Variants in FIG4 observed in about 807,000 individuals in gnomAD.
FIG4 encodes the protein FIG4 phosphoinositide 5-phosphatase.
A neutral mutation model predicts 118.6 loss-of-function variants in FIG4; 112 were observed. The ratio of observed to expected loss-of-function variants is 0.94; its 90% CI spans 0.81 to 1.11. The LOEUF (loss-of-function observed/expected upper bound fraction) is 1.11. Ranked by LOEUF, FIG4 falls within the 50% of genes least tolerant of loss-of-function variation. FIG4 has a pLI of 0.00. For synonymous variants in FIG4, 369 were observed against 381.2 expected, an observed-to-expected ratio of 0.97 and a Z score of 0.37; for missense variants, 969 against 1,111.7, an observed-to-expected ratio of 0.87 and a Z score of 1.83.
intron 13 of FIG4, among the ~76,000 whole-genome samples, chr6:109,764,720 G>T (rs1299412721): frequency 1.3e-5 from 2 of 152,142 alleles, no homozygotes; most frequent in South Asian, 2.1e-4. Context: ...CAAATTGTCA[G>T]CTATTTGTTT....
chr6:109,726,074 CT>C (rs1775800734), intron 3 of FIG4, among the ~76,000 whole-genome samples: 1 of 152,048 alleles, frequency 6.6e-6, no homozygotes, highest in Admixed American at 6.6e-5. Flanking sequence ...ATGATAGTTT[CT>C]TTTACTGTGC....
At chr6:109,722,989 A>G (rs2128382987) in intron 3 of FIG4, among the ~76,000 whole-genome samples, 1 of 54,234 alleles carries the variant, frequency 1.8e-5, no homozygotes, top group African/African-American at 1.1e-4. Flanking sequence ...CAGAGTAGAT[A>G]TCCTGTCAAC....
At chr6:109,769,107 C>CT (rs11419632) in intron 15 of FIG4, among the ~76,000 whole-genome samples, 49,447 of 141,826 alleles carry the variant, frequency 0.35, 9,069 homozygotes, top group South Asian at 0.52. Context: ...AAGTAATGTG[C>CT]TTTTTTTTTT....
intron 1 of FIG4, among the ~76,000 whole-genome samples, chr6:109,699,002 T>A (rs1774819911): frequency 6.6e-6 from 1 of 152,222 alleles, no homozygotes. Flanking sequence ...TAAAATGAGT[T>A]AAAAAGTGTT....
rs1777293947 is a variant in FIG4, at chr6:109,766,810, A to G, written c.1665A>G (p.Lys555=). Residue 555 remains lysine (K), a synonymous_variant, in exon 15 of 23, where the codon AAA becomes AAG. Transcript: ENST00000230124. ...GTTCTCAACTTGTTCATCGTGTGAA[A>G]ACCTACAGAAAGATAGCACCATGGA... ...YGGSQLVHRV[K]TYRKIAPWTQ... 1 of 1,613,874 alleles carries G rather than the reference A, an allele frequency of 6.2e-7. No homozygotes were observed. Among genetic ancestry groups the G allele is most frequent in the East Asian group, 2.2e-5 (1 of 44,882 alleles).
intron 1 of FIG4, among the ~76,000 whole-genome samples, chr6:109,696,993 C>T (rs1226069509): frequency 6.6e-6 from 1 of 151,440 alleles, no homozygotes; most frequent in Non-Finnish European, 1.5e-5. Flanking sequence ...TAAAATATCA[C>T]TCTATGTTTC....
intron 21 of FIG4, among the ~76,000 whole-genome samples, chr6:109,794,883 C>T (rs998343841): frequency 3.9e-5 from 6 of 152,140 alleles, no homozygotes; most frequent in Admixed American, 1.3e-4. Flanking sequence ...GCCTGTCTTC[C>T]AGCTTCCCAT....
intron 22 of FIG4, among the ~76,000 whole-genome samples, chr6:109,797,573 G>A (rs4307211): frequency 0.61 from 92,716 of 151,948 alleles, 30,721 homozygotes; most frequent in African/African-American, 0.86. Context: ...CCCTGATGCC[G>A]TATGCTCAGT....
At chr6:109,726,960 A>G (rs1775838185) in intron 3 of FIG4, 149 bp from the exon 4 acceptor site, 2 of 676,532 alleles carry the variant, frequency 3.0e-6, no homozygotes, top group East Asian at 5.4e-5. Context: ...TTAGAGAATA[A>G]TCCTAAGACA....
At chr6:109,760,021 A>G (rs982495037) in intron 10 of FIG4, among the ~76,000 whole-genome samples, 1 of 152,200 alleles carries the variant, frequency 6.6e-6, no homozygotes, top group Admixed American at 6.5e-5. Context: ...TACCAGGAAG[A>G]AACCTGATCT....
intron 3 of FIG4, among the ~76,000 whole-genome samples, chr6:109,719,279 A>G (rs918321283): frequency 1.3e-5 from 2 of 152,096 alleles, no homozygotes; most frequent in African/African-American, 4.8e-5. Context: ...TATTGGCCAG[A>G]TTTTATTATT....
chr6:109,761,943 T>A, intron 11 of FIG4, 148 bp from the exon 12 acceptor site: 1 of 635,574 alleles, frequency 1.6e-6, no homozygotes, highest in Non-Finnish European at 2.8e-6. Flanking sequence ...TAGACATTGT[T>A]ACATGTTTCT....
chr6:109,796,900 CAT>C (rs754110073), intron 22 of FIG4, 49 bp downstream of exon 22: 1 of 1,053,172 alleles, frequency 9.5e-7, no homozygotes, highest in South Asian at 1.3e-5. Flanking sequence ...TCATGCCACT[CAT>C]AGGGCTTTCT....
In FIG4 at chr6:109,789,683, A is replaced by T; in HGVS notation, c.2180+6A>T. 6.3e-7 allele frequency: 1 copy of T among 1,588,168 alleles called. No individual in the cohort carries two copies. On this transcript the variant is annotated splice_donor_region_variant and intron_variant, in intron 19 of 22. Transcript: ENST00000230124. ...ACTGGAAAATCAGTATTGGGGTAAG[A>T]TTTGTGTATAGAACGAAACTTTAAA...
rs1405454605 is a variant in FIG4 at position 109,743,173 on chromosome 6, A to G, written c.940A>G (p.Thr314Ala). The change falls in exon 9 of 23, where the codon ACT (threonine) becomes GCT (alanine). Residue 314 changes from threonine to alanine, a missense_variant. Coordinates refer to ENST00000230124, the MANE Select transcript of FIG4 (RefSeq NM_014845.6). ...ILCDASVMSFTAGSYSSYVQV... is the reference protein window; with the variant it reads ...ILCDASVMSFAAGSYSSYVQV... ...CTGCGATGCTTCTGTGATGTCTTTC[A>G]CTGCAGGAAGTTATTCTTCATATGT... The G allele has an allele frequency of 6.2e-7, 1 of 1,612,884 alleles. No homozygotes were observed. Among genetic ancestry groups the G allele is most frequent in the Non-Finnish European group, 8.5e-7 (1 of 1,179,228 alleles).
chr6:109,737,797 G>C (rs11964533), intron 6 of FIG4, among the ~76,000 whole-genome samples: 1 of 151,940 alleles, frequency 6.6e-6, no homozygotes, highest in Non-Finnish European at 1.5e-5. Context: ...TAATACACTA[G>C]GCTTATTCTA....
chr6:109,778,053 A>G (rs925747620), intron 16 of FIG4, among the ~76,000 whole-genome samples: 2 of 152,176 alleles, frequency 1.3e-5, no homozygotes, highest in African/African-American at 4.8e-5. Context: ...TTTTTTACAT[A>G]CCATACATGA....
chr6:109,743,348 C>A (rs1045600652), intron 9 of FIG4, 76 bp downstream of exon 9: 2 of 1,439,866 alleles, frequency 1.4e-6, no homozygotes, highest in Non-Finnish European at 2.0e-6. Context: ...ACAGAAATCT[C>A]ATAAATGCTT....
rs1211870377 is a variant in FIG4, at chr6:109,786,416, A to G, written c.2063A>G (p.Asp688Gly). The change falls in exon 18 of 23, where the codon GAT (aspartate) becomes GGT (glycine). Residue 688 changes from aspartate to glycine, a missense_variant. Asp to Gly is a moderately conservative substitution (Grantham distance 94). Around this residue, in one of 3 missense-constraint regions of FIG4, gnomAD observed 330 missense variants for 348.1 expected, o/e 0.95. Coordinates refer to ENST00000230124, the MANE Select transcript of FIG4 (RefSeq NM_014845.6). ...FRPYELSSFD[D>G]TFCLAMTSSA... ...CCATATGAGTTGAGCAGCTTTGATG[A>G]TACCTTTTGCTTGGCTATGACAAGC... 6.2e-7 allele frequency: 1 copy of G among 1,613,952 alleles called. No homozygotes were observed. Among genetic ancestry groups the G allele is most frequent in the East Asian group, 2.2e-5 (1 of 44,882 alleles).
Sources: allele counts gnomAD v4.1 joint callset (sites outside exome capture counted in the v4.1 genomes callset), GRCh38; gene constraint gnomAD v4.1.1; regional missense constraint gnomAD v4.1.1; transcripts MANE v1.5; gene names NCBI Gene and HGNC (gene_info 2026-07-23, HGNC 2026-07-21).